The following LRRC49 variants were observed in gnomAD, a reference collection of about 807,000 sequenced individuals.
LRRC49 encodes the protein leucine-rich repeat-containing protein 49.
Under a neutral mutation model 83.3 loss-of-function variants are expected in LRRC49, and 50 were observed. The ratio of observed to expected loss-of-function variants is 0.60; its 90% CI spans 0.48 to 0.76. The LOEUF (loss-of-function observed/expected upper bound fraction) is 0.76. LRRC49 is among the 30% of genes least tolerant of loss of function. The probability of loss-of-function intolerance (pLI) is 0.00; values close to 1 mark genes in which losing one functional copy is unlikely to be tolerated. For synonymous variants in LRRC49, 286 were observed against 283.3 expected, an observed-to-expected ratio of 1.01 and a Z score of -0.10; for missense variants, 704 against 809.1, an observed-to-expected ratio of 0.87 and a Z score of 1.58.
intron 7 of LRRC49, among the ~76,000 whole-genome samples, chr15:70,934,608 TAAA>T (rs753746545): frequency 3.3e-5 from 5 of 152,156 alleles, no homozygotes; most frequent in Non-Finnish European, 1.5e-5. Context: ...CAAATAAACT[TAAA>T]AAACTTTTTC....
chr15:70,873,690 G>T (rs1112177), intron 2 of LRRC49, among the ~76,000 whole-genome samples: 84,531 of 151,938 alleles, frequency 0.56, 24,136 homozygotes, highest in Admixed American at 0.7. Context: ...TCCTCCATAG[G>T]GGGCTAGCTT....
At chr15:70,941,564 G>A (rs1024788484) in intron 8 of LRRC49, among the ~76,000 whole-genome samples, 1 of 151,588 alleles carries the variant, frequency 6.6e-6, no homozygotes, top group African/African-American at 2.4e-5. Flanking sequence ...GGAAACTGGG[G>A]ACCCTCTGTT....
At chr15:71,011,463 C>G (rs1430010987) in intron 13 of LRRC49, among the ~76,000 whole-genome samples, 3 of 151,926 alleles carry the variant, frequency 2.0e-5, no homozygotes, top group Non-Finnish European at 4.4e-5. Context: ...TAGAAAGAAC[C>G]AATATAATTT....
chr15:70,858,828 C>A, intron 1 of LRRC49: 1 of 793,584 alleles, frequency 1.3e-6, no homozygotes, highest in Non-Finnish European at 2.2e-6. Flanking sequence ...TGAGATTCTC[C>A]CGAGTGGGCA....
chr15:70,901,490 C>T (rs546296876), intron 4 of LRRC49, among the ~76,000 whole-genome samples: 1 of 152,204 alleles, frequency 6.6e-6, no homozygotes, highest in Non-Finnish European at 1.5e-5. Flanking sequence ...TTACTATCCC[C>T]TCTGCCTGGA....
intron 15 of LRRC49, among the ~76,000 whole-genome samples, chr15:71,040,537 C>T (rs2039665584): frequency 6.6e-6 from 1 of 151,940 alleles, no homozygotes; most frequent in African/African-American, 2.4e-5. Context: ...AGGATTCAAG[C>T]GGCCGGGCGC....
chr15:71,026,131 T>C (rs1486607241), intron 14 of LRRC49, among the ~76,000 whole-genome samples: 1 of 152,066 alleles, frequency 6.6e-6, no homozygotes, highest in Non-Finnish European at 1.5e-5. Context: ...TGTGTTCTTA[T>C]TTTTCAACTC....
chr15:70,871,245 T>C (rs556725963), intron 1 of LRRC49, among the ~76,000 whole-genome samples: 2 of 152,236 alleles, frequency 1.3e-5, no homozygotes, highest in South Asian at 2.1e-4. Flanking sequence ...ACACAGCACA[T>C]GTTTCAGAGA....
chr15:70,966,478 T>C (rs2036798527), intron 9 of LRRC49, among the ~76,000 whole-genome samples: 1 of 152,116 alleles, frequency 6.6e-6, no homozygotes, highest in African/African-American at 2.4e-5. Context: ...CTTGCCAAAA[T>C]CAGTATCGAA....
chr15:71,017,298 C>T (rs1033971899), intron 14 of LRRC49, among the ~76,000 whole-genome samples: 1 of 152,092 alleles, frequency 6.6e-6, no homozygotes, highest in Non-Finnish European at 1.5e-5. Context: ...AAACAAGATA[C>T]ATTTTATATC....
chr15:70,970,466 C>T (rs1398918182), intron 9 of LRRC49, among the ~76,000 whole-genome samples: 3 of 152,080 alleles, frequency 2.0e-5, no homozygotes, highest in Non-Finnish European at 4.4e-5. Context: ...GTGTCTCTGC[C>T]AGGATTTAGT....
chr15:70,867,751 G>A (rs544568683), intron 1 of LRRC49, among the ~76,000 whole-genome samples: 21 of 152,262 alleles, frequency 1.4e-4, no homozygotes, highest in South Asian at 4.1e-4. Context: ...CATTGCTGGC[G>A]TGCTATATGA....
rs182315885 is a variant in LRRC49 at position 71,052,903 on chromosome 15, T to A, written c.*3291T>A. On this transcript the variant is annotated 3_prime_UTR_variant, in exon 16 of 16. Coordinates refer to ENST00000260382, the MANE Select transcript of LRRC49 (RefSeq NM_017691.5). The stretch of plus-strand genomic sequence containing the variant: ...CCACTTTCATGTTTTGTCATTATGC[T>A]GAGGAATAGCAAATAAAAGATGAGA... 1 of 152,226 alleles carries A rather than the reference T, an allele frequency of 6.6e-6. No homozygotes were observed. The highest frequency in any genetic ancestry group is 6.5e-5 in the Admixed American group (1 of 15,284). 9.4% of individuals were successfully genotyped at this position (152,226 alleles called of 1,614,324 possible).
At chr15:70,878,218 T>A (rs571059457) in intron 2 of LRRC49, among the ~76,000 whole-genome samples, 24 of 152,330 alleles carry the variant, frequency 1.6e-4, no homozygotes, top group African/African-American at 2.4e-4. Context: ...CAGTTTTTTT[T>A]AATCTCAGTT....
chr15:70,965,003 G>A (rs908907535), intron 9 of LRRC49, among the ~76,000 whole-genome samples: 7 of 152,106 alleles, frequency 4.6e-5, no homozygotes, highest in Non-Finnish European at 1.5e-5. Flanking sequence ...GTCTTCTAGG[G>A]TTCTGCCTCT....
At chr15:70,965,753 C>A (rs1171188427) in intron 9 of LRRC49, among the ~76,000 whole-genome samples, 1 of 152,048 alleles carries the variant, frequency 6.6e-6, no homozygotes, top group Non-Finnish European at 1.5e-5. Context: ...CCAAGCTTTT[C>A]TTTGTGAAGA....
chr15:71,002,853 G>C (rs10518929), intron 11 of LRRC49, among the ~76,000 whole-genome samples: 3 of 150,506 alleles, frequency 2.0e-5, no homozygotes, highest in Non-Finnish European at 1.5e-5. Context: ...CATTTAGCTG[G>C]GCTTTCAGAG....
intron 1 of LRRC49, 115 bp downstream of exon 1, chr15:70,893,057 C>A: frequency 8.4e-7 from 1 of 1,195,294 alleles, no homozygotes; most frequent in Non-Finnish European, 1.2e-6. Context: ...TCTACTCAAG[C>A]TATTGTCTGA....
intron 1 of LRRC49, among the ~76,000 whole-genome samples, chr15:70,857,269 T>G (rs1237601211): frequency 6.6e-6 from 1 of 152,146 alleles, no homozygotes. Context: ...TTGGAAATAT[T>G]TTTGAGTGTG....
Sources: gnomAD v4.1 joint callset for allele counts (sites outside exome capture counted in the v4.1 genomes callset) on GRCh38, gnomAD v4.1.1 for gene constraint, MANE v1.5 for transcripts, NCBI Gene and HGNC (gene_info 2026-07-23, HGNC 2026-07-21) for gene names.